Variants in IFFO1 observed in about 807,000 individuals in gnomAD.
The protein encoded by IFFO1 is intermediate filament family orphan 1.
A neutral mutation model predicts 59.6 loss-of-function variants in IFFO1; 42 were observed. The ratio of observed to expected loss-of-function variants is 0.70; its 90% confidence interval spans 0.55 to 0.91. IFFO1 has a LOEUF of 0.91. Among genes scored for constraint, IFFO1 ranks in the 40% least tolerant of loss-of-function variants. The pLI is 0.00. For synonymous variants in IFFO1, 336 were observed against 342.8 expected (o/e 0.98, Z 0.22); for missense variants, 711 against 793.2 (o/e 0.90, Z 1.24).
chr12:6,541,495 C>G lies in IFFO1; in HGVS notation c.1610+17G>C. 1 of 1,612,662 alleles carries G rather than the reference C, an allele frequency of 6.2e-7. No individual in the cohort carries two copies. The highest frequency in any genetic ancestry group is 8.5e-7 in the Non-Finnish European group (1 of 1,179,950). The stretch of plus-strand genomic sequence containing the variant: ...TGTGTCCCCCTGGAAGGCCCCATGC[C>G]CAGGGGAGGCGCCTACCGGTCTCCA... On this transcript the variant is annotated intron_variant, in intron 9 of 9. Transcript: ENST00000619571. The surrounding 1 kb of genome is among the most constrained non-coding windows in gnomAD (Gnocchi z 4.8).
At chr12:6,547,069 A>G (rs919312410) in intron 8 of IFFO1, among the ~76,000 whole-genome samples, 3 of 152,150 alleles carry the variant, frequency 2.0e-5, no homozygotes, top group Non-Finnish European at 2.9e-5. Context: ...ATTTCATCTG[A>G]TCTTCTAAAC....
chr12:6,555,921 C>T lies in IFFO1; in HGVS notation c.109G>A (p.Asp37Asn). The change falls in exon 1 of 10, where the codon GAC becomes AAC. Residue 37 changes from aspartate to asparagine, a missense_variant. This residue lies in a region of IFFO1 where 114 missense variants were observed against 102.4 expected (regional missense o/e 1.11). Transcript: ENST00000619571. This position sits in a 1 kb window ranked among gnomAD's most constrained non-coding sequence, Gnocchi z 8.6. The part of the protein sequence containing the change: ...LGGDHFAGGG[D>N]LPPAPLSPAG... ...GGCGAGAGAGGCGCCGGGGGCAAGT[C>T]TCCTCCCCCGGCGAAGTGGTCGCCT... 6.4e-7 allele frequency: 1 copy of T among 1,552,586 alleles called. No individual in the cohort carries two copies. The highest frequency in any genetic ancestry group is 8.7e-7 in the Non-Finnish European group (1 of 1,153,964).
At chr12:6,551,204 G>A (rs939820678) in intron 1 of IFFO1, among the ~76,000 whole-genome samples, 5 of 152,216 alleles carry the variant, frequency 3.3e-5, no homozygotes, top group African/African-American at 4.8e-5. Flanking sequence ...CCTGATGGGC[G>A]TCGAGCTCGC....
In IFFO1 at chr12:6,549,695, G is replaced by T. The variant is rs991592036; in HGVS notation, c.1071+61C>A. 6.4e-7 allele frequency: 1 copy of T among 1,571,616 alleles called. No individual in the cohort carries two copies. Among genetic ancestry groups the T allele is most frequent in the East Asian group, 2.3e-5 (1 of 44,338 alleles). On this transcript the variant is annotated intron_variant, in intron 4 of 9. Coordinates refer to ENST00000619571, the MANE Select transcript of IFFO1 (RefSeq NM_001193457.2). The surrounding 1 kb of genome is among the most constrained non-coding windows in gnomAD (Gnocchi z 5.0). ...GCAGGGCCTGCGTTCCAGGCCAGCC[G>T]CCACGGAAGCATCCACCTGCCCCAC...
Position 6,539,967 on chromosome 12 carries a change from G to A in IFFO1, c.*516C>T, listed in dbSNP as rs1026612299. ...GACCATAGCAGGGACAAGGTGCCCC[G>A]GCCAGCCCCAACGCCCTCTGCCGCT... On this transcript the variant is annotated 3_prime_UTR_variant, in exon 10 of 10. Coordinates refer to ENST00000619571, the MANE Select transcript of IFFO1 (RefSeq NM_001193457.2). The A allele has an allele frequency of 2.0e-4, 34 of 169,906 alleles. No homozygotes were observed. Among genetic ancestry groups the A allele is most frequent in the African/African-American group, 4.1e-4 (17 of 41,692 alleles). 10.5% of individuals were successfully genotyped at this position (169,906 alleles called of 1,614,324 possible).
At position 6,552,907 on chromosome 12, in the gene IFFO1, G is replaced by A. The variant is rs373361003; in HGVS notation, c.774-1906C>T. Among the ~76,000 whole-genome samples, 20 of 152,246 alleles carry A rather than the reference G, an allele frequency of 1.3e-4. No individual in the cohort carries two copies. The South Asian group carries it at 3.3e-3, about 25-fold the overall frequency. On this transcript the variant is annotated intron_variant, in intron 1 of 9. Coordinates refer to ENST00000619571, the MANE Select transcript of IFFO1 (RefSeq NM_001193457.2). ...CTTAACATGGGCAGAATTTGAGAGC[G>A]ATATCCATGTGTTCTGCATGGACCA... is the stretch of plus-strand genomic sequence containing the variant.
downstream of IFFO1, chr12:6,539,035 T>C (rs1452240694): frequency 6.6e-6 from 1 of 152,126 alleles, no homozygotes; most frequent in Non-Finnish European, 1.5e-5. Flanking sequence ...TAGGGGAACT[T>C]GGGTAGGGGC....
chr12:6,542,623 AG>A (rs1946769708), intron 8 of IFFO1, among the ~76,000 whole-genome samples: 1 of 152,238 alleles, frequency 6.6e-6, no homozygotes, highest in Admixed American at 6.5e-5. Flanking sequence ...AGAGATGGTC[AG>A]GACAGTGACA....
chr12:6,555,851 G>C lies in IFFO1; in HGVS notation c.179C>G (p.Pro60Arg). 2 of 1,609,484 alleles carry C rather than the reference G, an allele frequency of 1.2e-6. No individual in the cohort carries two copies. The highest frequency in any genetic ancestry group is 1.7e-6 in the Non-Finnish European group (2 of 1,178,616). The change falls in exon 1 of 10, where the codon CCG becomes CGG. Residue 60 changes from proline to arginine, a missense_variant. Around this residue, in one of 3 missense-constraint regions of IFFO1, gnomAD observed 114 missense variants for 102.4 expected, o/e 1.11. Coordinates refer to ENST00000619571, the MANE Select transcript of IFFO1 (RefSeq NM_001193457.2). This position sits in a 1 kb window ranked among gnomAD's most constrained non-coding sequence, Gnocchi z 8.6. ...ATTGCGGAGGGCCATGGCGGCAGGC[G>C]GGGCCGGGCCCGGCCCGGGCGGCGA... ...AYSPPGPGPAPPAAMALRNDL... is the reference protein window; with the variant it reads ...AYSPPGPGPARPAAMALRNDL...
intron 1 of IFFO1, 85 bp from the exon 2 acceptor site, chr12:6,551,086 C>T: frequency 7.3e-7 from 1 of 1,378,192 alleles, no homozygotes; most frequent in South Asian, 1.2e-5. Context: ...CTCTCTGGCT[C>T]AGGCCTCAGA....
At chr12:6,547,230 T>C (rs1487387202) in intron 8 of IFFO1, among the ~76,000 whole-genome samples, 2 of 152,000 alleles carry the variant, frequency 1.3e-5, no homozygotes, top group Non-Finnish European at 2.9e-5. Flanking sequence ...GAAAACATAG[T>C]GACACCCTGT....
At position 6,548,910 on chromosome 12, in the gene IFFO1, G is replaced by C. The variant is rs991068150; in HGVS notation, c.1081-61C>G. The C allele has an allele frequency of 7.1e-6, 10 of 1,415,134 alleles. No homozygotes were observed. Among genetic ancestry groups the C allele is most frequent in the Non-Finnish European group, 9.7e-6 (10 of 1,032,022 alleles). The allele number at this position is 1,415,134 out of a possible 1,614,324, so 87.7% of individuals were successfully genotyped here. A position where few individuals can be genotyped will look rare whatever the true frequency, so the allele number is the denominator to read the frequency against. On this transcript the variant is annotated intron_variant, in intron 5 of 9. Transcript: ENST00000619571. This position sits in a 1 kb window ranked among gnomAD's most constrained non-coding sequence, Gnocchi z 6.1. ...GCGGGAGCGGGAGGCCGGGCAGAGA[G>C]GGTGGGAATGGGGGAGAAGCATGAA...
chr12:6,540,180 G>C lies in IFFO1; in HGVS notation c.*303C>G, dbSNP rs754717021. The C allele has an allele frequency of 2.1e-5, 10 of 487,064 alleles. No individual in the cohort carries two copies. The highest frequency in any genetic ancestry group is 3.9e-5 in the African/African-American group (2 of 50,808). The allele number at this position is 487,064 out of a possible 1,614,324, so 30.2% of individuals were successfully genotyped here. A position where few individuals can be genotyped will look rare whatever the true frequency, so the allele number is the denominator to read the frequency against. The stretch of plus-strand genomic sequence containing the variant: ...TTCCTGATACGTGGACAAGGTGAGG[G>C]GCCGCAATCGCTCTGGCAGCATTTT... On this transcript the variant is annotated 3_prime_UTR_variant, in exon 10 of 10. Transcript: ENST00000619571.
In IFFO1 at chr12:6,540,396, G is replaced by A; in HGVS notation, c.*87C>T. On this transcript the variant is annotated 3_prime_UTR_variant, in exon 10 of 10. Transcript: ENST00000619571. ...GGGACCGGCCTGGTGCAGAGCTGCAGCTGATGTTCCCCTCTGTGCAGCCCC... is the reference window on the plus strand; with the variant it reads ...GGGACCGGCCTGGTGCAGAGCTGCAACTGATGTTCCCCTCTGTGCAGCCCC... 9.2e-7 allele frequency: 1 copy of A among 1,083,904 alleles called. No homozygotes were observed. Among genetic ancestry groups the A allele is most frequent in the Non-Finnish European group, 1.4e-6 (1 of 700,660 alleles). The allele number at this position is 1,083,904 out of a possible 1,614,324, so 67.1% of individuals were successfully genotyped here. A position where few individuals can be genotyped will look rare whatever the true frequency, so the allele number is the denominator to read the frequency against.
rs560024002 is a variant in IFFO1, at chr12:6,550,869, G to A, written c.834+72C>T. On this transcript the variant is annotated intron_variant, in intron 2 of 9. Coordinates refer to ENST00000619571, the MANE Select transcript of IFFO1 (RefSeq NM_001193457.2). ...TAAAGATGCCAAGGAGGGACAGGGA[G>A]ACGGCAGCAGGGTCATGGGCAGACA... 5.1e-4 allele frequency: 824 copies of A among 1,602,740 alleles called. 4 individuals are homozygous for A. In the South Asian group the frequency reaches 8.6e-3, roughly 17 times the overall value.
At position 6,541,167 on chromosome 12, in the gene IFFO1, C is replaced by T. The variant is rs1208729301; in HGVS notation, c.1610+345G>A. Among the ~76,000 whole-genome samples, 1 of 152,140 alleles carries T rather than the reference C, an allele frequency of 6.6e-6. No individual in the cohort carries two copies. The highest frequency in any genetic ancestry group is 2.4e-5 in the African/African-American group (1 of 41,424). On this transcript the variant is annotated intron_variant, in intron 9 of 9. Transcript: ENST00000619571. This position sits in a 1 kb window ranked among gnomAD's most constrained non-coding sequence, Gnocchi z 4.8. ...AATTCACTTTCTTGTTGCGGTGTAA[C>T]TTACACAGGGTCAAATGCACAAATC...
chr12:6,555,343 G>A lies in IFFO1; in HGVS notation c.687C>T (p.Val229=), dbSNP rs1322065305. The change falls in exon 1 of 10, where the codon GTC becomes GTT. Residue 229 remains valine (V), a synonymous_variant. Coordinates refer to ENST00000619571, the MANE Select transcript of IFFO1 (RefSeq NM_001193457.2). The surrounding 1 kb of genome is among the most constrained non-coding windows in gnomAD (Gnocchi z 8.6). The stretch of plus-strand genomic sequence containing the variant: ...TCTCGGGCGTGATGGTGTCGATCTG[G>A]ACGCCCACCCCATCCGGGTGCACCC... ...LSWVHPDGVG[V]QIDTITPEIR... 1.2e-6 allele frequency: 2 copies of A among 1,614,144 alleles called. No individual in the cohort carries two copies. The highest frequency in any genetic ancestry group is 1.7e-5 in the Admixed American group (1 of 60,020).
At position 6,555,800 on chromosome 12, in the gene IFFO1, A is replaced by T. The variant is rs1344680805; in HGVS notation, c.230T>A (p.Leu77His). The part of the protein sequence containing the change: ...RNDLGSNINV[L>H]KTLNLRFRCF... The stretch of plus-strand genomic sequence containing the variant: ...GCGGAACCGGAGGTTCAGGGTCTTG[A>T]GCACGTTGATGTTGGAGCCCAGGTC... Residue 77 changes from leucine to histidine, a missense_variant, in exon 1 of 10, where the codon CTC (leucine) becomes CAC (histidine). Physicochemically the swap from Leu to His is moderately conservative, Grantham distance 99 (BLOSUM62 -3). This residue lies in a region of IFFO1 where 18 missense variants were observed against 40.5 expected (regional missense o/e 0.44). Coordinates refer to ENST00000619571, the MANE Select transcript of IFFO1 (RefSeq NM_001193457.2). The surrounding 1 kb of genome is among the most constrained non-coding windows in gnomAD (Gnocchi z 8.6). 6 of 1,612,470 alleles carry T rather than the reference A, an allele frequency of 3.7e-6. No individual in the cohort carries two copies. In the Admixed American group the frequency reaches 1.0e-4, roughly 27 times the overall value.
Position 6,548,735 on chromosome 12 carries a change from C to G in IFFO1, c.1195G>C (p.Asp399His). The change falls in exon 6 of 10, where the codon GAT becomes CAT. Residue 399 changes from aspartate to histidine, a missense_variant. Around this residue, in one of 3 missense-constraint regions of IFFO1, gnomAD observed 579 missense variants for 650.3 expected, o/e 0.89. Coordinates refer to ENST00000619571, the MANE Select transcript of IFFO1 (RefSeq NM_001193457.2). The surrounding 1 kb of genome is among the most constrained non-coding windows in gnomAD (Gnocchi z 6.1). ...GCTGTGCTCTCCTCCTCATCCCCAT[C>G]GGGCTGGCGGGGCCCCTCACTCTCC... ...LSESEGPRQP[D>H]GDEEESTALS... 6.2e-7 allele frequency: 1 copy of G among 1,614,058 alleles called. No individual in the cohort carries two copies. The highest frequency in any genetic ancestry group is 8.5e-7 in the Non-Finnish European group (1 of 1,180,018).
Sources: gnomAD v4.1 joint callset for allele counts (sites outside exome capture counted in the v4.1 genomes callset) on GRCh38, gnomAD v4.1.1 for gene constraint, gnomAD v4.1.1 regional missense constraint, Gnocchi (gnomAD v3.1) non-coding constraint, MANE v1.5 for transcripts, NCBI Gene and HGNC (gene_info 2026-07-23, HGNC 2026-07-21) for gene names.